The following RPS6KC1 variants were observed in gnomAD, a reference collection of about 807,000 sequenced individuals.
The protein encoded by RPS6KC1 is inactive ribosomal protein S6 kinase delta-1.
Under a neutral mutation model 103.8 loss-of-function variants are expected in RPS6KC1, and 54 were observed. The observed-to-expected ratio is 0.52, with a 90% CI of 0.42 to 0.65. The LOEUF (loss-of-function observed/expected upper bound fraction) is 0.65. Among genes scored for constraint, RPS6KC1 ranks in the 30% least tolerant of loss-of-function variants. RPS6KC1 has a pLI of 0.00. For synonymous variants in RPS6KC1, 439 were observed against 438.7 expected (o/e 1.00, Z -0.01); for missense variants, 1,151 against 1,253.8 (o/e 0.92, Z 1.24).
chr1:213,242,283 T>C lies in RPS6KC1; in HGVS notation c.2807T>C (p.Leu936Ser). ...CGCGATTTGAACCCAAACAACATCTTATTGAATGATAGAGGTCAGGAACTT... is the reference window on the plus strand; with the variant it reads ...CGCGATTTGAACCCAAACAACATCTCATTGAATGATAGAGGTCAGGAACTT... Reference protein sequence around the residue: ...VCRDLNPNNILLNDRGHIQLT... With the variant: ...VCRDLNPNNISLNDRGHIQLT... Residue 936 changes from leucine to serine, a missense_variant, in exon 11 of 15, where the codon TTA (leucine) becomes TCA (serine). Around this residue, in one of 3 missense-constraint regions of RPS6KC1, gnomAD observed 189 missense variants for 228.8 expected, o/e 0.83. Coordinates refer to ENST00000366960, the MANE Select transcript of RPS6KC1 (RefSeq NM_012424.6). The C allele has an allele frequency of 6.2e-7, 1 of 1,613,880 alleles. No homozygotes were observed.
At chr1:213,188,482 C>A (rs2092623537) in intron 8 of RPS6KC1, among the ~76,000 whole-genome samples, 1 of 151,002 alleles carries the variant, frequency 6.6e-6, no homozygotes, top group Non-Finnish European at 1.5e-5. Context: ...TATTTGAATT[C>A]CATGTTGTTA....
the RPS6KC1 span, chr1:213,821,949 T>C: frequency 6.6e-6 from 1 of 152,242 alleles, no homozygotes; most frequent in African/African-American, 2.4e-5. Context: ...GGGGTTTTAT[T>C]GGTTTTCATA....
At chr1:213,511,879 A>C in the RPS6KC1 span, among the ~76,000 whole-genome samples, 6,268 of 152,146 alleles carry the variant, frequency 0.041, 183 homozygotes, top group African/African-American at 0.084. Context: ...TATATCATTT[A>C]CTCGTTTTTA....
At chr1:213,498,225 G>T in the RPS6KC1 span, among the ~76,000 whole-genome samples, 77 of 152,154 alleles carry the variant, frequency 5.1e-4, no homozygotes, top group African/African-American at 1.8e-3. Flanking sequence ...TATATATGAT[G>T]AATATATGCT....
At chr1:213,409,376 A>C in the RPS6KC1 span, among the ~76,000 whole-genome samples, 1 of 152,086 alleles carries the variant, frequency 6.6e-6, no homozygotes, top group African/African-American at 2.4e-5. Flanking sequence ...GAGGAAGGCC[A>C]GGTATGCCTT....
At chr1:213,188,847 TA>T (rs1355123234) in intron 8 of RPS6KC1, among the ~76,000 whole-genome samples, 11 of 146,050 alleles carry the variant, frequency 7.5e-5, no homozygotes, top group Non-Finnish European at 1.1e-4. Flanking sequence ...TTTTTTTTTT[TA>T]AATGTAAATA....
chr1:213,157,318 T>C (rs2148026403), intron 6 of RPS6KC1, among the ~76,000 whole-genome samples: 1 of 152,178 alleles, frequency 6.6e-6, no homozygotes, highest in East Asian at 1.9e-4. Context: ...CCTCATCTCC[T>C]GCCTCAGCCT....
At chr1:213,354,574 G>A in the RPS6KC1 span, among the ~76,000 whole-genome samples, 147 of 152,312 alleles carry the variant, frequency 9.7e-4, 3 homozygotes, top group Admixed American at 9.6e-3. Flanking sequence ...TCTTATAAAG[G>A]TTGAGAGTCC....
the RPS6KC1 span, among the ~76,000 whole-genome samples, chr1:213,668,592 T>C: frequency 6.6e-6 from 1 of 152,072 alleles, no homozygotes; most frequent in African/African-American, 2.4e-5. Context: ...TGGCTTCTAC[T>C]TAAAGTTACA....
the RPS6KC1 span, among the ~76,000 whole-genome samples, chr1:213,703,333 A>G: frequency 5.9e-5 from 9 of 152,098 alleles, no homozygotes; most frequent in African/African-American, 9.7e-5. Context: ...TGTAGTTACT[A>G]TCTTTGAATG....
chr1:213,543,762 A>C, the RPS6KC1 span, among the ~76,000 whole-genome samples: 9 of 152,204 alleles, frequency 5.9e-5, no homozygotes, highest in Non-Finnish European at 1.0e-4. Context: ...TTTTGAGATT[A>C]TTATGTATAA....
At chr1:213,558,763 C>T in the RPS6KC1 span, among the ~76,000 whole-genome samples, 2 of 152,192 alleles carry the variant, frequency 1.3e-5, no homozygotes, top group Non-Finnish European at 2.9e-5. Flanking sequence ...CACTGAGTTT[C>T]AGCCAATCAA....
At chr1:213,839,277 T>A in the RPS6KC1 span, among the ~76,000 whole-genome samples, 2 of 152,198 alleles carry the variant, frequency 1.3e-5, no homozygotes, top group Admixed American at 6.5e-5. Context: ...GAGGTGTCAG[T>A]TTCCCTGTCA....
At chr1:213,366,704 C>T in the RPS6KC1 span, among the ~76,000 whole-genome samples, 1 of 152,234 alleles carries the variant, frequency 6.6e-6, no homozygotes, top group Non-Finnish European at 1.5e-5. Flanking sequence ...TGTTAGTCCA[C>T]CTGGCATCTG....
the RPS6KC1 span, among the ~76,000 whole-genome samples, chr1:213,735,822 T>C: frequency 6.6e-6 from 1 of 152,234 alleles, no homozygotes; most frequent in Non-Finnish European, 1.5e-5. Flanking sequence ...TGGTCACTGC[T>C]GTACAAGGAA....
the RPS6KC1 span, among the ~76,000 whole-genome samples, chr1:213,774,668 C>T: frequency 2.6e-5 from 4 of 152,094 alleles, no homozygotes; most frequent in African/African-American, 9.7e-5. Flanking sequence ...TGGAATAGTC[C>T]GTGTGTGTAT....
the RPS6KC1 span, among the ~76,000 whole-genome samples, chr1:213,355,172 G>A: frequency 1.3e-5 from 2 of 151,952 alleles, no homozygotes; most frequent in Non-Finnish European, 2.9e-5. Context: ...AACTGAGATC[G>A]CGCCACTGCA....
chr1:213,144,453 A>G lies in RPS6KC1; in HGVS notation c.835+14564A>G, dbSNP rs115373435. Among the ~76,000 whole-genome samples, 1,191 of 151,944 alleles carry G rather than the reference A, an allele frequency of 7.8e-3. 14 individuals carry two copies. Among genetic ancestry groups the G allele is most frequent in the African/African-American group, 0.026 (1,095 of 41,466 alleles). The stretch of plus-strand genomic sequence containing the variant: ...AATTCATAGAAATGGGAATCTTACT[A>G]TGTTGCCTAGGCTGGTCTTGAACTC... On this transcript the variant is annotated intron_variant, in intron 6 of 14. Coordinates refer to ENST00000366960, the MANE Select transcript of RPS6KC1 (RefSeq NM_012424.6).
chr1:213,230,195 GA>G (rs1431099773), intron 8 of RPS6KC1, among the ~76,000 whole-genome samples: 1 of 152,008 alleles, frequency 6.6e-6, no homozygotes, highest in East Asian at 1.9e-4. Flanking sequence ...GTTCCAAGAG[GA>G]AAAACTCTGT....
Sources: gnomAD v4.1 joint callset for allele counts (sites outside exome capture counted in the v4.1 genomes callset) on GRCh38, gnomAD v4.1.1 for gene constraint, gnomAD v4.1.1 regional missense constraint, MANE v1.5 for transcripts, NCBI Gene and HGNC (gene_info 2026-07-23, HGNC 2026-07-21) for gene names.